The following ANO10 variants were observed in gnomAD, a reference collection of about 807,000 sequenced individuals.
The protein encoded by ANO10 is anoctamin-10.
A neutral mutation model predicts 74.7 loss-of-function variants in ANO10; 77 were observed. The ratio of observed to expected loss-of-function variants is 1.03; its 90% CI spans 0.86 to 1.25. The LOEUF (loss-of-function observed/expected upper bound fraction) is 1.25. ANO10 is among the 50% of genes most tolerant of loss of function. The pLI is 0.00. For missense variants in ANO10, 721 were observed against 778.1 expected (o/e 0.93, Z 0.87); for synonymous variants, 279 against 284.9 (o/e 0.98, Z 0.21).
intron 1 of ANO10, among the ~76,000 whole-genome samples, chr3:43,641,484 A>G (rs554694535): frequency 3.3e-5 from 5 of 152,342 alleles, no homozygotes; most frequent in Admixed American, 3.3e-4. Flanking sequence ...CCCAACTCCC[A>G]AGCAAAGGCC....
chr3:43,645,032 G>C (rs937657298), intron 1 of ANO10, among the ~76,000 whole-genome samples: 24 of 152,120 alleles, frequency 1.6e-4, no homozygotes, highest in African/African-American at 5.8e-4. Context: ...AGGCAATATG[G>C]CTGTACTCCA....
At chr3:43,506,826 C>T (rs1411968743) in intron 11 of ANO10, among the ~76,000 whole-genome samples, 1 of 152,174 alleles carries the variant, frequency 6.6e-6, no homozygotes, top group East Asian at 1.9e-4. Context: ...CCACCACCCC[C>T]ACCGTGGTAC....
At chr3:43,387,286 T>C (rs1321842658) in intron 12 of ANO10, among the ~76,000 whole-genome samples, 4 of 152,334 alleles carry the variant, frequency 2.6e-5, no homozygotes, top group African/African-American at 9.6e-5. Context: ...TGGTCCGTCA[T>C]TGACCAAAAC....
At chr3:43,478,391 G>A (rs2076152406) in intron 11 of ANO10, among the ~76,000 whole-genome samples, 1 of 152,112 alleles carries the variant, frequency 6.6e-6, no homozygotes, top group African/African-American at 2.4e-5. Context: ...TTTAAAGTAG[G>A]GACTTTAACC....
At chr3:43,553,450 G>A (rs2079579236) in intron 10 of ANO10, among the ~76,000 whole-genome samples, 1 of 151,822 alleles carries the variant, frequency 6.6e-6, no homozygotes. Flanking sequence ...ATGAATGTTA[G>A]CTCTTTTTTA....
intron 1 of ANO10, among the ~76,000 whole-genome samples, chr3:43,685,237 TTC>T (rs1247648321): frequency 6.6e-6 from 1 of 152,234 alleles, no homozygotes; most frequent in Admixed American, 6.5e-5. Flanking sequence ...CATTTTTATT[TTC>T]TTTTTCTTCT....
chr3:43,441,312 T>A (rs530889701), intron 11 of ANO10, among the ~76,000 whole-genome samples: 1 of 151,272 alleles, frequency 6.6e-6, no homozygotes. Context: ...AAAAGACTCA[T>A]ATACCAAAAA....
chr3:43,423,972 T>C (rs1435968706), intron 12 of ANO10, among the ~76,000 whole-genome samples: 12 of 152,156 alleles, frequency 7.9e-5, no homozygotes, highest in Admixed American at 7.9e-4. Flanking sequence ...GATGTTACGG[T>C]ACCATTTTAT....
At chr3:43,452,554 C>A (rs1325663521) in intron 11 of ANO10, among the ~76,000 whole-genome samples, 2 of 152,140 alleles carry the variant, frequency 1.3e-5, no homozygotes, top group African/African-American at 2.4e-5. Flanking sequence ...TATAAATAAA[C>A]CACATTTCAT....
At chr3:43,386,306 G>A (rs2092113808) in intron 12 of ANO10, among the ~76,000 whole-genome samples, 1 of 151,914 alleles carries the variant, frequency 6.6e-6, no homozygotes, top group African/African-American at 2.4e-5. Flanking sequence ...AAAGAAGAAA[G>A]GAGGGAGAGG....
chr3:43,386,687 G>GTGTC (rs1461458593), intron 12 of ANO10, among the ~76,000 whole-genome samples: 39 of 150,946 alleles, frequency 2.6e-4, no homozygotes, highest in African/African-American at 6.6e-4. Flanking sequence ...GTGTGTGTGT[G>GTGTC]TCTCCAAATC....
chr3:43,615,464 G>T (rs974832383), intron 1 of ANO10, among the ~76,000 whole-genome samples: 1 of 151,882 alleles, frequency 6.6e-6, no homozygotes, highest in African/African-American at 2.4e-5. Flanking sequence ...TAGCATTTGG[G>T]ATAATTTTTA....
In ANO10 at chr3:43,555,300, G is replaced by A; in HGVS notation, c.1646C>T (p.Ser549Leu). Residue 549 changes from serine to leucine, a missense_variant, in exon 10 of 13, where the codon TCA becomes TTA. Coordinates refer to ENST00000292246, the MANE Select transcript of ANO10 (RefSeq NM_018075.5). ...RVFKRPFSEP[S>L]ANIGVWQLAF... is the part of the protein sequence containing the mutation. Reference sequence around the variant, plus strand: ...TACCTGCCACACACCAATATTGGCTGAAGGTTCTGAGAATGGACGTTTGAA... The same window carrying A: ...TACCTGCCACACACCAATATTGGCTAAAGGTTCTGAGAATGGACGTTTGAA... 6.2e-7 allele frequency: 1 copy of A among 1,614,016 alleles called. No individual in the cohort carries two copies. The highest frequency in any genetic ancestry group is 8.5e-7 in the Non-Finnish European group (1 of 1,179,998).
intron 1 of ANO10, among the ~76,000 whole-genome samples, chr3:43,635,777 T>C (rs1419185457): frequency 6.6e-6 from 1 of 152,004 alleles, no homozygotes; most frequent in Non-Finnish European, 1.5e-5. Context: ...GCACCCACCA[T>C]GCCCAGCTAA....
chr3:43,489,342 T>TA (rs551439227), intron 11 of ANO10, among the ~76,000 whole-genome samples: 6 of 151,400 alleles, frequency 4.0e-5, no homozygotes, highest in South Asian at 2.1e-4. Flanking sequence ...AAATAAAAAT[T>TA]AAAAAAAAAT....
At chr3:43,375,071 A>C (rs974945150) in intron 12 of ANO10, among the ~76,000 whole-genome samples, 3 of 151,900 alleles carry the variant, frequency 2.0e-5, no homozygotes, top group Non-Finnish European at 4.4e-5. Flanking sequence ...CAGTGAGCCG[A>C]GATTGCGCCA....
chr3:43,527,036 A>AACACAC (rs56025632), intron 11 of ANO10, among the ~76,000 whole-genome samples: 28,995 of 146,906 alleles, frequency 0.2, 2,933 homozygotes, highest in Non-Finnish European at 0.22. Context: ...ATGGATGTAA[A>AACACAC]ACACACACAC....
intron 12 of ANO10, among the ~76,000 whole-genome samples, chr3:43,418,114 TA>T (rs2148907330): frequency 6.6e-6 from 1 of 152,118 alleles, no homozygotes; most frequent in Non-Finnish European, 1.5e-5. Flanking sequence ...CCATCTCTAC[TA>T]AAAATAAAAA....
At position 43,584,328 on chromosome 3, in the gene ANO10, C is replaced by T. The variant is rs141885934; in HGVS notation, c.473-3856G>A. On this transcript the variant is annotated intron_variant, in intron 4 of 12. Transcript: ENST00000292246. ...TGACTCAGCAAGTTTAGAGCACAGG[C>T]ATATAACTCCACTTGTTATCATAGC... 3.5e-3 allele frequency among the ~76,000 whole-genome samples: 534 copies of T among 152,276 alleles called. 1 individual carries two copies. Among genetic ancestry groups the T allele is most frequent in the Middle Eastern group, 0.01 (3 of 294 alleles).
Sources: allele counts gnomAD v4.1 joint callset (sites outside exome capture counted in the v4.1 genomes callset), GRCh38; gene constraint gnomAD v4.1.1; transcripts MANE v1.5; gene names NCBI Gene and HGNC (gene_info 2026-07-23, HGNC 2026-07-21).